Variants in SPATC1 observed in about 807,000 individuals in gnomAD.
The protein encoded by SPATC1 is speriolin.
In SPATC1, 35 loss-of-function variants were observed where a neutral mutation model predicts 36.5. The ratio of observed to expected loss-of-function variants is 0.96; its 90% CI spans 0.73 to 1.27. The LOEUF (loss-of-function observed/expected upper bound fraction) is 1.27. Among genes scored for constraint, SPATC1 ranks in the 50% most tolerant of loss-of-function variants. The pLI is 0.00. For synonymous variants in SPATC1, 361 were observed against 353.6 expected (o/e 1.02, Z -0.24); for missense variants, 779 against 796.0 (o/e 0.98, Z 0.26).
intron 1 of SPATC1, among the ~76,000 whole-genome samples, chr8:144,021,251 A>ACC (rs1834523981): frequency 6.8e-6 from 1 of 146,420 alleles, no homozygotes; most frequent in Admixed American, 6.7e-5. Context: ...TCCCCTCAGG[A>ACC]CTCTCTTCCT....
At chr8:144,041,433 C>T (rs890703450) in intron 4 of SPATC1, 62 bp downstream of exon 4, 2 of 1,577,776 alleles carry the variant, frequency 1.3e-6, no homozygotes, top group African/African-American at 1.3e-5. Flanking sequence ...GCCGTGGGGA[C>T]CCTGCACTCT....
At position 144,047,006 on chromosome 8, in the gene SPATC1, G is replaced by A. The variant is rs782597232; in HGVS notation, c.*50G>A. The A allele has an allele frequency of 1.9e-6, 3 of 1,548,794 alleles. No individual in the cohort carries two copies. The highest frequency in any genetic ancestry group is 1.3e-5 in the African/African-American group (1 of 74,190). ...CGCTCAGCCCCACAGCCCTGTGCAC[G>A]GCCATTAAAGCTTCCCACAGACACT... On this transcript the variant is annotated 3_prime_UTR_variant, in exon 5 of 5. Transcript: ENST00000377470. This position sits in a 1 kb window ranked among gnomAD's most constrained non-coding sequence, Gnocchi z 4.1.
intron 1 of SPATC1, among the ~76,000 whole-genome samples, chr8:144,027,430 A>G (rs1834707834): frequency 1.3e-5 from 2 of 152,220 alleles, no homozygotes; most frequent in Non-Finnish European, 2.9e-5. Flanking sequence ...CTTTTGAAAC[A>G]TAGAAGCTTT....
Position 144,012,659 on chromosome 8 carries a change from C to G in SPATC1, c.144C>G (p.Leu48=). The G allele has an allele frequency of 6.4e-7, 1 of 1,551,704 alleles. No homozygotes were observed. Among genetic ancestry groups the G allele is most frequent in the Non-Finnish European group, 8.7e-7 (1 of 1,146,996 alleles). Reference sequence around the variant, plus strand: ...CGATCAAGACTCAGGCAGGCGGGCTCGGCATCAGCGGGTTCACGAGTGGGC... The same window carrying G: ...CGATCAAGACTCAGGCAGGCGGGCTGGGCATCAGCGGGTTCACGAGTGGGC... ...KSAIKTQAGG[L]GISGFTSGLG... Residue 48 remains leucine (L), a synonymous_variant, in exon 1 of 5, where the codon CTC becomes CTG. Transcript: ENST00000377470.
At chr8:144,015,038 T>A (rs1040049464) in intron 1 of SPATC1, among the ~76,000 whole-genome samples, 6 of 148,802 alleles carry the variant, frequency 4.0e-5, no homozygotes, top group African/African-American at 1.0e-4. Context: ...TTTAAATATT[T>A]AAAATTTTTT....
In SPATC1 at chr8:144,044,494, A is replaced by C. The variant is rs143834525; in HGVS notation, c.1447-2133A>C. Reference sequence around the variant, plus strand: ...TTTTTTTTTTTTTGCATTTTTAGTAAAGACGGGGTTTCACAGTGTTCGCCA... The same window carrying C: ...TTTTTTTTTTTTTGCATTTTTAGTACAGACGGGGTTTCACAGTGTTCGCCA... On this transcript the variant is annotated intron_variant, in intron 4 of 4. Transcript: ENST00000377470. Among the ~76,000 whole-genome samples the C allele has an allele frequency of 9.3e-3, 1,382 of 149,192 alleles. 22 individuals are homozygous for C. Among genetic ancestry groups the C allele is most frequent in the African/African-American group, 0.032 (1,308 of 40,372 alleles).
chr8:144,026,017 T>C (rs1834669463), intron 1 of SPATC1, among the ~76,000 whole-genome samples: 1 of 152,156 alleles, frequency 6.6e-6, no homozygotes, highest in African/African-American at 2.4e-5. Context: ...GTACAAACAT[T>C]ACCACAATCA....
rs148669001 is a variant in SPATC1, at chr8:144,041,318, C to T, written c.1393C>T (p.Arg465Cys). The T allele has an allele frequency of 1.5e-4, 240 of 1,612,828 alleles. 1 individual carries two copies. The highest frequency in any genetic ancestry group is 1.9e-4 in the Non-Finnish European group (225 of 1,180,024). Residue 465 changes from arginine (R) to cysteine (C), a missense_variant, in exon 4 of 5, where the codon CGC becomes TGC. By Grantham distance (180) the Arg-to-Cys change is radical. Transcript: ENST00000377470. ...RRILSSIFPE[R>C]VRLYGFTVSN... ...GATCCTGTCCAGCATCTTCCCAGAG[C>T]GCGTACGGCTCTACGGCTTCACTGT...
In SPATC1 at chr8:144,045,843, C is replaced by T. The variant is rs1425634952; in HGVS notation, c.1447-784C>T. ...CTGGGCACTGGGCTTCCCACAACTG[C>T]CCAGGTCACACATCCAGGGGGCAGC... On this transcript the variant is annotated intron_variant, in intron 4 of 4. Transcript: ENST00000377470. The surrounding 1 kb of genome is among the most constrained non-coding windows in gnomAD (Gnocchi z 5.2). Among the ~76,000 whole-genome samples, 6 of 152,264 alleles carry T rather than the reference C, an allele frequency of 3.9e-5. No homozygotes were observed. The highest frequency in any genetic ancestry group is 1.9e-4 in the East Asian group (1 of 5,202).
At chr8:144,044,773 C>T (rs1835214365) in intron 4 of SPATC1, among the ~76,000 whole-genome samples, 1 of 151,836 alleles carries the variant, frequency 6.6e-6, no homozygotes, top group Admixed American at 6.5e-5. Flanking sequence ...GTGATGAAAC[C>T]CCGTCTCTAC....
intron 1 of SPATC1, among the ~76,000 whole-genome samples, chr8:144,027,591 C>T (rs1230254621): frequency 6.6e-6 from 1 of 152,146 alleles, no homozygotes; most frequent in Non-Finnish European, 1.5e-5. Context: ...TTCATTTAGG[C>T]CTTTACTCCA....
intron 1 of SPATC1, among the ~76,000 whole-genome samples, chr8:144,019,382 G>A (rs1834458640): frequency 6.6e-6 from 1 of 152,198 alleles, no homozygotes; most frequent in South Asian, 2.1e-4. Flanking sequence ...TGGCCAGAGT[G>A]ATCTCTGCCC....
intron 1 of SPATC1, among the ~76,000 whole-genome samples, chr8:144,036,445 T>C (rs1459896296): frequency 6.6e-6 from 1 of 152,132 alleles, no homozygotes. Context: ...CACCTCAGCC[T>C]CCCAAGTAGC....
At position 144,045,361 on chromosome 8, in the gene SPATC1, T is replaced by G. The variant is rs1835231632; in HGVS notation, c.1447-1266T>G. On this transcript the variant is annotated intron_variant, in intron 4 of 4. Coordinates refer to ENST00000377470, the MANE Select transcript of SPATC1 (RefSeq NM_198572.3). This position sits in a 1 kb window ranked among gnomAD's most constrained non-coding sequence, Gnocchi z 5.2. ...AGGCTCTGGGAGCACTTAGCAGAGG[T>G]TGACGTCACATTAACCGGGCCCGGT... Among the ~76,000 whole-genome samples, 1 of 152,058 alleles carries G rather than the reference T, an allele frequency of 6.6e-6. No individual in the cohort carries two copies. Among genetic ancestry groups the G allele is most frequent in the South Asian group, 2.1e-4 (1 of 4,824 alleles).
rs1554756856 is a variant in SPATC1, at chr8:144,046,778, G to A, written c.1598G>A (p.Gly533Asp). 3 of 1,610,202 alleles carry A rather than the reference G, an allele frequency of 1.9e-6. No individual in the cohort carries two copies. The highest frequency in any genetic ancestry group is 2.5e-6 in the Non-Finnish European group (3 of 1,179,980). The change falls in exon 5 of 5, where the codon GGC becomes GAC. Residue 533 changes from glycine to aspartate, a missense_variant. Transcript: ENST00000377470. The surrounding 1 kb of genome is among the most constrained non-coding windows in gnomAD (Gnocchi z 6.6). ...ALTEQLVNAY[G>D]ILRERPELAA... is the part of the protein sequence containing the mutation. ...ACCGAGCAGCTGGTGAACGCTTATG[G>A]CATCCTGCGAGAGCGCCCGGAGCTG...
chr8:144,023,132 CCCCCCAGGACCCTCT>C (rs1587496850), intron 1 of SPATC1, among the ~76,000 whole-genome samples: 1 of 107,250 alleles, frequency 9.3e-6, no homozygotes, highest in African/African-American at 4.1e-5. Flanking sequence ...AGGACCCTCT[CCCCCCAGGACCCTCT>C]TCCCTCAGGA....
At position 144,016,417 on chromosome 8, in the gene SPATC1, G is replaced by T. The variant is rs1242356060; in HGVS notation, c.211+3691G>T. On this transcript the variant is annotated intron_variant, in intron 1 of 4. Coordinates refer to ENST00000377470, the MANE Select transcript of SPATC1 (RefSeq NM_198572.3). This position sits in a 1 kb window ranked among gnomAD's most constrained non-coding sequence, Gnocchi z 4.5. ...TATGTGGTATGTATGTGTTATGTGGGTGTTTGTATTTTGGCGTATGTCTGA... is the reference window on the plus strand; with the variant it reads ...TATGTGGTATGTATGTGTTATGTGGTTGTTTGTATTTTGGCGTATGTCTGA... Among the ~76,000 whole-genome samples the T allele has an allele frequency of 6.6e-6, 1 of 151,890 alleles. No individual in the cohort carries two copies. The highest frequency in any genetic ancestry group is 1.9e-4 in the East Asian group (1 of 5,190).
chr8:144,031,451 T>TTTC (rs1258078959), intron 1 of SPATC1, among the ~76,000 whole-genome samples: 29 of 790 alleles, frequency 0.037, no homozygotes, highest in African/African-American at 0.07. Flanking sequence ...TTTTTTTTTC[T>TTTC]TTTTTTTTTT....
rs1384550520 is a variant in SPATC1, at chr8:144,016,593, C to T, written c.211+3867C>T. Among the ~76,000 whole-genome samples, 2 of 151,384 alleles carry T rather than the reference C, an allele frequency of 1.3e-5. No homozygotes were observed. The highest frequency in any genetic ancestry group is 4.9e-5 in the African/African-American group (2 of 40,780). ...CTTGCTCCTGAAGGCGCTAAGAAGA[C>T]ACTGATGGTTTTTGTTTGTTTGTTT... On this transcript the variant is annotated intron_variant, in intron 1 of 4. Coordinates refer to ENST00000377470, the MANE Select transcript of SPATC1 (RefSeq NM_198572.3). The surrounding 1 kb of genome is among the most constrained non-coding windows in gnomAD (Gnocchi z 4.5).
Sources: allele counts gnomAD v4.1 joint callset (sites outside exome capture counted in the v4.1 genomes callset), GRCh38; gene constraint gnomAD v4.1.1; non-coding constraint Gnocchi (gnomAD v3.1); transcripts MANE v1.5; gene names NCBI Gene and HGNC (gene_info 2026-07-23, HGNC 2026-07-21).